KIAA1217: variants seen among roughly 807,000 people sequenced by gnomAD.
KIAA1217 encodes sickle tail protein homolog.
KIAA1217 carries 88 observed loss-of-function variants against 163.9 expected under a neutral mutation model. That is an observed-to-expected ratio of 0.54 (90% CI 0.45 to 0.64). The LOEUF (loss-of-function observed/expected upper bound fraction) is 0.64, where lower values mean the gene tolerates loss of function less well. KIAA1217 is among the 30% of genes least tolerant of loss of function. The pLI, the probability that KIAA1217 is intolerant of heterozygous loss-of-function variation, is 0.00. For synonymous variants in KIAA1217, 903 were observed against 923.1 expected (o/e 0.98, Z 0.39); for missense variants, 2,372 against 2,475.0 (o/e 0.96, Z 0.88).
intron 2 of KIAA1217, among the ~76,000 whole-genome samples, chr10:24,192,935 A>G (rs569092473): frequency 1.5e-3 from 235 of 152,250 alleles, no homozygotes; most frequent in African/African-American, 5.4e-3. Flanking sequence ...ATGTGCCACC[A>G]CACCCAGTTA....
At chr10:23,852,566 C>G (rs972864680) in intron 1 of KIAA1217, among the ~76,000 whole-genome samples, 4 of 152,124 alleles carry the variant, frequency 2.6e-5, no homozygotes, top group African/African-American at 9.7e-5. Context: ...CCATTGGTAG[C>G]TTGATGGGGA....
At chr10:24,391,938 T>A (rs1277826950) in intron 3 of KIAA1217, among the ~76,000 whole-genome samples, 2 of 152,172 alleles carry the variant, frequency 1.3e-5, no homozygotes, top group Non-Finnish European at 2.9e-5. Context: ...AATTCAAAAA[T>A]GAACCCTCCA....
chr10:23,846,614 T>A (rs776243858), intron 1 of KIAA1217, among the ~76,000 whole-genome samples: 3 of 152,230 alleles, frequency 2.0e-5, no homozygotes, highest in Non-Finnish European at 2.9e-5. Context: ...AAGTTGCTTA[T>A]CAGTTTAAGG....
intron 2 of KIAA1217, among the ~76,000 whole-genome samples, chr10:24,279,213 T>C (rs2077629972): frequency 1.3e-5 from 2 of 152,068 alleles, no homozygotes; most frequent in Admixed American, 1.3e-4. Flanking sequence ...TTGTTTTGTT[T>C]TCTTCTTTGC....
At chr10:23,830,156 T>C (rs753015750) in intron 1 of KIAA1217, among the ~76,000 whole-genome samples, 8 of 152,154 alleles carry the variant, frequency 5.3e-5, no homozygotes, top group Non-Finnish European at 1.0e-4. Context: ...ATCCCCTTTT[T>C]TGGGTAAGGT....
intron 2 of KIAA1217, among the ~76,000 whole-genome samples, chr10:24,344,195 A>G (rs1378699603): frequency 6.6e-6 from 1 of 152,248 alleles, no homozygotes; most frequent in Non-Finnish European, 1.5e-5. Context: ...AATTTTAAAT[A>G]AATAAGATAA....
chr10:24,128,351 G>T (rs574901552), intron 2 of KIAA1217, among the ~76,000 whole-genome samples: 53 of 152,218 alleles, frequency 3.5e-4, no homozygotes, highest in African/African-American at 1.2e-3. Flanking sequence ...TCAAGCCTGG[G>T]TTGCACCCTA....
rs779875507 is a variant in KIAA1217, at chr10:24,546,098, A to T, written c.5606A>T (p.His1869Leu). The change falls in exon 21 of 21, where the codon CAT (histidine) becomes CTT (leucine). Residue 1869 changes from histidine to leucine, a missense_variant. Physicochemically the swap from His to Leu is moderately conservative, Grantham distance 99. Transcript: ENST00000376454. ...NGSLKFQSLT[H>L]TGKGHHLSFS... is the part of the protein sequence containing the mutation. ...TCTTTGAAGTTTCAGAGCCTCACTC[A>T]TACAGGTAAAGGTCACCATCTTTCA... The T allele has an allele frequency of 6.2e-7, 1 of 1,614,022 alleles. No individual in the cohort carries two copies. The highest frequency in any genetic ancestry group is 1.3e-5 in the African/African-American group (1 of 74,910).
At chr10:23,774,995 G>A (rs1458428940) in intron 1 of KIAA1217, among the ~76,000 whole-genome samples, 1 of 152,186 alleles carries the variant, frequency 6.6e-6, no homozygotes, top group African/African-American at 2.4e-5. Context: ...AAGCTGATGA[G>A]GTTGGTTGGG....
intron 2 of KIAA1217, among the ~76,000 whole-genome samples, chr10:24,245,268 C>T (rs1236849924): frequency 6.6e-6 from 1 of 152,216 alleles, no homozygotes; most frequent in Non-Finnish European, 1.5e-5. Context: ...CGCACATGAT[C>T]ATGCTGGTCC....
intron 1 of KIAA1217, among the ~76,000 whole-genome samples, chr10:23,964,681 G>A (rs896223586): frequency 5.3e-5 from 8 of 151,756 alleles, no homozygotes; most frequent in Non-Finnish European, 7.4e-5. Flanking sequence ...TCAGCCTCCC[G>A]AGTAGCTGGG....
At chr10:23,912,072 A>G (rs557191680) in intron 1 of KIAA1217, among the ~76,000 whole-genome samples, 2 of 152,184 alleles carry the variant, frequency 1.3e-5, no homozygotes, top group Admixed American at 1.3e-4. Flanking sequence ...GGATGCTGTT[A>G]TCCAATAACA....
intron 3 of KIAA1217, among the ~76,000 whole-genome samples, chr10:24,411,751 A>G (rs1405068221): frequency 6.6e-6 from 1 of 152,220 alleles, no homozygotes; most frequent in Non-Finnish European, 1.5e-5. Flanking sequence ...ACGGAAAATT[A>G]AAGCTCCAAC....
chr10:23,976,806 C>T (rs553512315), intron 1 of KIAA1217, among the ~76,000 whole-genome samples: 4 of 152,280 alleles, frequency 2.6e-5, no homozygotes, highest in African/African-American at 9.6e-5. Flanking sequence ...GAAGACAATG[C>T]TATCTCACAT....
At chr10:23,840,009 A>G (rs11812592) in intron 1 of KIAA1217, among the ~76,000 whole-genome samples, 7,430 of 152,170 alleles carry the variant, frequency 0.049, 565 homozygotes, top group African/African-American at 0.16. Context: ...TCTCATTTTG[A>G]CCAGAGAAAG....
chr10:23,940,827 C>T (rs1051987702), intron 1 of KIAA1217, among the ~76,000 whole-genome samples: 8 of 152,216 alleles, frequency 5.3e-5, no homozygotes, highest in African/African-American at 1.9e-4. Context: ...AATTAAACAA[C>T]ACACTTCTGA....
At chr10:24,141,225 A>C (rs866883414) in intron 2 of KIAA1217, among the ~76,000 whole-genome samples, 1,378 of 76,044 alleles carry the variant, frequency 0.018, 12 homozygotes, top group Non-Finnish European at 0.024. Flanking sequence ...GAAAGAATAA[A>C]CCCCCCCCCC....
intron 2 of KIAA1217, among the ~76,000 whole-genome samples, chr10:24,265,009 C>T (rs2076101216): frequency 6.6e-6 from 1 of 152,100 alleles, no homozygotes; most frequent in Non-Finnish European, 1.5e-5. Context: ...TGCCACTACC[C>T]ACCACACCCT....
intron 2 of KIAA1217, among the ~76,000 whole-genome samples, chr10:24,233,180 A>C (rs1191382189): frequency 6.6e-6 from 1 of 152,134 alleles, no homozygotes; most frequent in Non-Finnish European, 1.5e-5. Context: ...GCCCTCTCTT[A>C]GTCCATTTGT....
Sources: allele counts gnomAD v4.1 joint callset (sites outside exome capture counted in the v4.1 genomes callset), GRCh38; gene constraint gnomAD v4.1.1; transcripts MANE v1.5; gene names NCBI Gene and HGNC (gene_info 2026-07-23, HGNC 2026-07-21).